The following MMP16 variants were observed in gnomAD, a reference collection of about 807,000 sequenced individuals.
MMP16 encodes matrix metallopeptidase 16.
Under a neutral mutation model 67.8 loss-of-function variants are expected in MMP16, and 12 were observed. The ratio of observed to expected loss-of-function variants is 0.18; its 90% CI spans 0.11 to 0.29. The LOEUF is 0.29. MMP16 is among the 10% of genes least tolerant of loss of function. The pLI is 1.00. For synonymous variants in MMP16, 249 were observed against 255.9 expected (o/e 0.97, Z 0.26); for missense variants, 475 against 765.7 (o/e 0.62, Z 4.48).
chr8:88,283,424 T>C (rs1436436143), intron 1 of MMP16, among the ~76,000 whole-genome samples: 1 of 152,170 alleles, frequency 6.6e-6, no homozygotes. Flanking sequence ...TCAGTTTCCT[T>C]ATATAGAGTA....
chr8:88,235,193 A>T (rs980916951), intron 1 of MMP16, among the ~76,000 whole-genome samples: 10 of 152,092 alleles, frequency 6.6e-5, no homozygotes, highest in African/African-American at 2.4e-4. Context: ...GGAGTTCGAG[A>T]CCAGCCTGGC....
intron 1 of MMP16, among the ~76,000 whole-genome samples, chr8:88,314,213 A>G (rs927650758): frequency 6.6e-6 from 1 of 152,156 alleles, no homozygotes; most frequent in Admixed American, 6.6e-5. Flanking sequence ...AATCTCATGT[A>G]TTGTAATTTT....
chr8:88,097,025 GGTTTTA>G (rs1347817438), intron 6 of MMP16, among the ~76,000 whole-genome samples: 2 of 151,804 alleles, frequency 1.3e-5, no homozygotes. Flanking sequence ...TTCCACTGTA[GGTTTTA>G]GTTCTACCTC....
intron 1 of MMP16, among the ~76,000 whole-genome samples, chr8:88,289,001 C>A (rs573238791): frequency 6.6e-6 from 1 of 152,236 alleles, no homozygotes; most frequent in African/African-American, 2.4e-5. Context: ...GAGGCAAGGG[C>A]CTTCTTGCAG....
At chr8:88,247,242 TAA>T (rs1299208038) in intron 1 of MMP16, among the ~76,000 whole-genome samples, 1 of 152,148 alleles carries the variant, frequency 6.6e-6, no homozygotes, top group African/African-American at 2.4e-5. Flanking sequence ...AGTAACTTTG[TAA>T]AAGATTGCCA....
intron 1 of MMP16, among the ~76,000 whole-genome samples, chr8:88,273,188 A>G (rs1260112560): frequency 6.7e-6 from 1 of 150,196 alleles, no homozygotes; most frequent in Non-Finnish European, 1.5e-5. Context: ...GGTTTGGGCA[A>G]TTTCTCTTGC....
rs567129045 is a variant in MMP16 at position 88,248,845 on chromosome 8, G to T, written c.133-51539C>A. Among the ~76,000 whole-genome samples, 9 of 151,072 alleles carry T rather than the reference G, an allele frequency of 6.0e-5. No individual in the cohort carries two copies. In the South Asian group the frequency reaches 1.9e-3, roughly 32 times the overall value. On this transcript the variant is annotated intron_variant, in intron 1 of 9. Transcript: ENST00000286614. ...CAATTATACTGCAGATATTTACTGTGTTTCCCAATTTTACTGCAGATATTG... is the reference window on the plus strand; with the variant it reads ...CAATTATACTGCAGATATTTACTGTTTTTCCCAATTTTACTGCAGATATTG...
chr8:88,078,757 C>T (rs1808695202), intron 6 of MMP16, among the ~76,000 whole-genome samples: 1 of 152,156 alleles, frequency 6.6e-6, no homozygotes, highest in African/African-American at 2.4e-5. Flanking sequence ...TCTTCTGATA[C>T]ACAGATTCAT....
chr8:88,274,418 C>T (rs771167899), intron 1 of MMP16, among the ~76,000 whole-genome samples: 32 of 152,030 alleles, frequency 2.1e-4, no homozygotes, highest in Non-Finnish European at 4.4e-4. Flanking sequence ...ATTTTTCTCT[C>T]TCACTTACCT....
At chr8:88,203,951 A>G (rs1420077710) in intron 1 of MMP16, among the ~76,000 whole-genome samples, 2 of 152,234 alleles carry the variant, frequency 1.3e-5, no homozygotes, top group African/African-American at 4.8e-5. Flanking sequence ...TGTTTTTCCA[A>G]TGCAAGAGAA....
At chr8:88,293,722 G>C (rs1195050209) in intron 1 of MMP16, among the ~76,000 whole-genome samples, 1 of 151,858 alleles carries the variant, frequency 6.6e-6, no homozygotes, top group Non-Finnish European at 1.5e-5. Flanking sequence ...AAACCAAAAG[G>C]AGCTTCAGAC....
intron 1 of MMP16, among the ~76,000 whole-genome samples, chr8:88,315,363 C>T (rs1811361250): frequency 6.6e-6 from 1 of 151,980 alleles, no homozygotes; most frequent in Admixed American, 6.6e-5. Context: ...TTTTTTAACA[C>T]CTACCAAATT....
intron 1 of MMP16, among the ~76,000 whole-genome samples, chr8:88,301,429 T>A (rs536111166): frequency 3.9e-5 from 6 of 152,244 alleles, no homozygotes; most frequent in African/African-American, 1.4e-4. Flanking sequence ...TCTTTTAATA[T>A]CTCTGTGACT....
intron 1 of MMP16, among the ~76,000 whole-genome samples, chr8:88,237,688 C>A (rs892833571): frequency 2.3e-5 from 3 of 132,518 alleles, no homozygotes; most frequent in East Asian, 2.4e-4. Flanking sequence ...CAACAAAAAA[C>A]AACTGCATCT....
intron 4 of MMP16, among the ~76,000 whole-genome samples, chr8:88,166,207 A>C (rs568702502): frequency 6.6e-6 from 1 of 152,188 alleles, no homozygotes; most frequent in East Asian, 1.9e-4. Context: ...TGTCATGACT[A>C]GGGTTAACTT....
At chr8:88,284,357 C>T (rs902707397) in intron 1 of MMP16, among the ~76,000 whole-genome samples, 2 of 152,034 alleles carry the variant, frequency 1.3e-5, no homozygotes, top group Non-Finnish European at 2.9e-5. Flanking sequence ...TATGTCCATA[C>T]CTATCATATA....
At chr8:88,261,614 A>T (rs1156363305) in intron 1 of MMP16, among the ~76,000 whole-genome samples, 1 of 152,236 alleles carries the variant, frequency 6.6e-6, no homozygotes, top group East Asian at 1.9e-4. Context: ...GGGCAAAAAA[A>T]GATACCAGGA....
At chr8:88,055,651 G>C (rs897230107) in intron 8 of MMP16, among the ~76,000 whole-genome samples, 1 of 152,216 alleles carries the variant, frequency 6.6e-6, no homozygotes, top group Non-Finnish European at 1.5e-5. Flanking sequence ...GTGATAGTTT[G>C]ACTATGGTAG....
At chr8:88,095,149 G>A (rs1182277726) in intron 6 of MMP16, among the ~76,000 whole-genome samples, 3 of 151,782 alleles carry the variant, frequency 2.0e-5, no homozygotes, top group Non-Finnish European at 4.4e-5. Flanking sequence ...TGATATGGAG[G>A]AAAAGAAGTC....
Sources: allele counts gnomAD v4.1 joint callset (sites outside exome capture counted in the v4.1 genomes callset), GRCh38; gene constraint gnomAD v4.1.1; transcripts MANE v1.5; gene names NCBI Gene and HGNC (gene_info 2026-07-23, HGNC 2026-07-21).